Variants in DRAM1 observed in about 807,000 individuals in gnomAD.
DRAM1 encodes the protein DNA damage regulated autophagy modulator 1.
In DRAM1, 25 loss-of-function variants were observed where a neutral mutation model predicts 28.5. The ratio of observed to expected loss-of-function variants is 0.88; its 90% CI spans 0.64 to 1.23. DRAM1 has a LOEUF of 1.23. DRAM1 is among the 50% of genes most tolerant of loss of function. DRAM1 has a pLI of 0.00. For missense variants in DRAM1, 249 were observed against 299.2 expected, an observed-to-expected ratio of 0.83 and a Z score of 1.24; for synonymous variants, 113 against 114.2, an observed-to-expected ratio of 0.99 and a Z score of 0.07.
chr12:101,917,694 CAAAA>C (rs34726299), intron 5 of DRAM1, among the ~76,000 whole-genome samples: 3 of 107,736 alleles, frequency 2.8e-5, no homozygotes, highest in Non-Finnish European at 2.1e-5. Flanking sequence ...GACTCCATCT[CAAAA>C]AAAAAAAAAA....
intron 5 of DRAM1, 37 bp downstream of exon 5, chr12:101,914,269 G>C (rs769597842): frequency 1.0e-5 from 16 of 1,547,678 alleles, no homozygotes; most frequent in Admixed American, 9.1e-5. Context: ...GTTGTCGGAC[G>C]TGGTTATGTG....
chr12:101,907,289 G>A (rs1453788919), intron 3 of DRAM1, among the ~76,000 whole-genome samples: 1 of 151,728 alleles, frequency 6.6e-6, no homozygotes, highest in Non-Finnish European at 1.5e-5. Context: ...CATTTGAGGT[G>A]CCTTGGGAGG....
chr12:101,880,439 A>T (rs61935792), intron 1 of DRAM1, among the ~76,000 whole-genome samples: 18,793 of 151,756 alleles, frequency 0.12, 1,496 homozygotes, highest in African/African-American at 0.22. Context: ...GGCACCTGCC[A>T]CCACGCCCAG....
intron 3 of DRAM1, among the ~76,000 whole-genome samples, chr12:101,907,882 T>C (rs1312836438): frequency 6.6e-6 from 1 of 152,242 alleles, no homozygotes; most frequent in African/African-American, 2.4e-5. Context: ...AGCCTCATGG[T>C]GGAGTCAGGA....
chr12:101,914,413 G>A (rs1370122645), intron 5 of DRAM1, among the ~76,000 whole-genome samples, 181 bp downstream of exon 5: 1 of 151,848 alleles, frequency 6.6e-6, no homozygotes, highest in African/African-American at 2.4e-5. Context: ...AGCTATCAGG[G>A]TAATTCCAAA....
chr12:101,917,748 G>A (rs1051241169), intron 5 of DRAM1, among the ~76,000 whole-genome samples: 2 of 149,410 alleles, frequency 1.3e-5, no homozygotes, highest in Non-Finnish European at 3.0e-5. Flanking sequence ...GGTCAAATTC[G>A]TCAATAGGTT....
intron 3 of DRAM1, among the ~76,000 whole-genome samples, chr12:101,906,854 CAAAAAAAAAAA>C (rs751751554): frequency 0.047 from 3,166 of 67,528 alleles, 129 homozygotes; most frequent in African/African-American, 0.15. Flanking sequence ...GACTCTGCCT[CAAAAAAAAAAA>C]AAAAAAAAGA....
chr12:101,894,443 G>C (rs1156231672), intron 1 of DRAM1, among the ~76,000 whole-genome samples: 2 of 152,072 alleles, frequency 1.3e-5, no homozygotes, highest in Non-Finnish European at 2.9e-5. Context: ...GTAGAGACAG[G>C]GTTTCACCAT....
intron 2 of DRAM1, among the ~76,000 whole-genome samples, chr12:101,900,859 A>C (rs1396885365): frequency 6.6e-6 from 1 of 152,210 alleles, no homozygotes; most frequent in Non-Finnish European, 1.5e-5. Context: ...TGTAGCAGGA[A>C]AAACATGGAA....
chr12:101,914,803 G>T (rs1271630263), intron 5 of DRAM1, among the ~76,000 whole-genome samples: 1 of 151,898 alleles, frequency 6.6e-6, no homozygotes, highest in South Asian at 2.1e-4. Context: ...GACCACAGGC[G>T]TGCGCCACAT....
intron 3 of DRAM1, among the ~76,000 whole-genome samples, chr12:101,905,756 AT>A (rs1193909336): frequency 8.1e-6 from 1 of 122,700 alleles, no homozygotes; most frequent in East Asian, 2.1e-4. Context: ...TGCCCATCTG[AT>A]TTTATTTATT....
chr12:101,890,395 C>T (rs1480747665), intron 1 of DRAM1, among the ~76,000 whole-genome samples: 1 of 42,384 alleles, frequency 2.4e-5, no homozygotes. Context: ...TTTTTTGGTC[C>T]TTGTAGCCAC....
At chr12:101,895,337 C>G (rs527287158) in intron 1 of DRAM1, among the ~76,000 whole-genome samples, 215 of 150,766 alleles carry the variant, frequency 1.4e-3, no homozygotes, top group Non-Finnish European at 2.6e-3. Context: ...TGTACCATGC[C>G]CAGTTAATTT....
At chr12:101,889,667 T>C (rs1873027562) in intron 1 of DRAM1, among the ~76,000 whole-genome samples, 1 of 152,150 alleles carries the variant, frequency 6.6e-6, no homozygotes, top group African/African-American at 2.4e-5. Context: ...GAGCAGGACG[T>C]GGTGGCTTAC....
chr12:101,914,482 C>CTT (rs1437711201), intron 5 of DRAM1, among the ~76,000 whole-genome samples: 5,440 of 137,692 alleles, frequency 0.04, 356 homozygotes, highest in African/African-American at 0.15. Flanking sequence ...TCTTCTTCTT[C>CTT]TTCTTTTTTT....
chr12:101,908,521 G>A (rs764591521), intron 4 of DRAM1, among the ~76,000 whole-genome samples, 158 bp downstream of exon 4: 12 of 152,150 alleles, frequency 7.9e-5, no homozygotes, highest in Admixed American at 1.3e-4. Context: ...TGGCAAGTGC[G>A]AATCTATAGC....
rs556623295 is a variant in DRAM1, at chr12:101,895,950, A to T, written c.132-1913A>T. ...TGCCCAGGCTGGAGTGCAATGGCGCAATCTTGGCTCACTGCAACCTCTGCC... is the reference window on the plus strand; with the variant it reads ...TGCCCAGGCTGGAGTGCAATGGCGCTATCTTGGCTCACTGCAACCTCTGCC... On this transcript the variant is annotated intron_variant, in intron 1 of 6. Transcript: ENST00000258534. 6.3e-5 allele frequency among the ~76,000 whole-genome samples: 9 copies of T among 143,702 alleles called. No individual in the cohort carries two copies. The Admixed American group carries it at 6.3e-4, about 10-fold the overall frequency. The allele number at this position is 143,702 out of a possible 152,430, so 94.3% of individuals were successfully genotyped here.
intron 2 of DRAM1, 109 bp downstream of exon 2, chr12:101,898,039 TTC>T (rs1873451316): frequency 1.5e-6 from 1 of 662,940 alleles, no homozygotes; most frequent in African/African-American, 1.9e-5. Flanking sequence ...TATTTATTTT[TTC>T]TGAGACAGGG....
rs146185031 is a variant in DRAM1, at chr12:101,878,224, A to G, written c.131+304A>G. Among the ~76,000 whole-genome samples the G allele has an allele frequency of 3.7e-3, 565 of 152,272 alleles. 4 individuals are homozygous for G. The highest frequency in any genetic ancestry group is 0.017 in the Middle Eastern group (5 of 294). The stretch of plus-strand genomic sequence containing the variant: ...AATCTCAGCAGGACGTTCTTAGGCG[A>G]TATTGAAACAAGATGGGTTCTGATA... On this transcript the variant is annotated intron_variant, in intron 1 of 6. Coordinates refer to ENST00000258534, the MANE Select transcript of DRAM1 (RefSeq NM_018370.3).
Sources: gnomAD v4.1 joint callset for allele counts (sites outside exome capture counted in the v4.1 genomes callset) on GRCh38, gnomAD v4.1.1 for gene constraint, MANE v1.5 for transcripts, NCBI Gene and HGNC (gene_info 2026-07-23, HGNC 2026-07-21) for gene names.